Variants in MEIKIN observed in about 807,000 individuals in gnomAD.
MEIKIN encodes the protein meiotic kinetochore factor.
Position 131,879,045 on chromosome 5 carries a change from T to C in MEIKIN, c.707A>G (p.Asn236Ser), listed in dbSNP as rs1750660739. ...AKCASNSESD[N>S]AACEILLAEK... is the part of the protein sequence containing the mutation. ...AGCAAGTAAAATCTCACAAGCTGCA[T>C]TATCTATAAATAAAAACATAGTTCA... is the stretch of plus-strand genomic sequence containing the variant. The change falls in exon 9 of 13, where the codon AAT (asparagine) becomes AGT (serine). Residue 236 changes from asparagine to serine, a missense_variant. Coordinates refer to ENST00000442687, the MANE Select transcript of MEIKIN (RefSeq NM_001303622.2). 2.5e-6 allele frequency: 1 copy of C among 398,620 alleles called. No homozygotes were observed. 24.7% of individuals were successfully genotyped at this position (398,620 alleles called of 1,614,324 possible).
intron 7 of MEIKIN, among the ~76,000 whole-genome samples, chr5:131,914,646 A>G (rs949126430): frequency 1.3e-5 from 2 of 151,794 alleles, no homozygotes; most frequent in Non-Finnish European, 2.9e-5. Flanking sequence ...TCTTTATAAT[A>G]TAATTGCCCA....
intron 6 of MEIKIN, among the ~76,000 whole-genome samples, chr5:131,920,507 T>C (rs1395441728): frequency 2.0e-5 from 3 of 152,124 alleles, no homozygotes; most frequent in East Asian, 1.9e-4. Context: ...AGAGAAAACA[T>C]AATCTTTAAT....
intron 11 of MEIKIN, among the ~76,000 whole-genome samples, chr5:131,828,597 A>C (rs181001979): frequency 1.1e-3 from 173 of 152,328 alleles, no homozygotes; most frequent in Non-Finnish European, 2.0e-3. Flanking sequence ...ACAGATGCTC[A>C]AAAAAAGAAA....
At chr5:131,846,007 A>C (rs1750012426) in intron 11 of MEIKIN, among the ~76,000 whole-genome samples, 1 of 152,234 alleles carries the variant, frequency 6.6e-6, no homozygotes, top group Non-Finnish European at 1.5e-5. Flanking sequence ...AAGAAAGACA[A>C]AGAATCCTGA....
chr5:131,851,742 AATCAC>A (rs1343186687), intron 10 of MEIKIN, among the ~76,000 whole-genome samples: 15 of 152,228 alleles, frequency 9.9e-5, no homozygotes, highest in Non-Finnish European at 2.1e-4. Flanking sequence ...AGGTTACTGA[AATCAC>A]CACACATTTC....
In MEIKIN at chr5:131,911,898, GT is replaced by G. The variant is rs1280675561; in HGVS notation, c.639-20del. ...CATCACTCTATAACAAGAACAAACT[GT>G]TTAGTGGTATTTTCTAAATCCTTCA... On this transcript the variant is annotated intron_variant, in intron 7 of 12. Transcript: ENST00000442687. The G allele has an allele frequency of 1.0e-5, 4 of 397,246 alleles. No individual in the cohort carries two copies. The highest frequency in any genetic ancestry group is 2.1e-5 in the African/African-American group (1 of 48,466). The allele number at this position is 397,246 out of a possible 1,614,324, so 24.6% of individuals were successfully genotyped here. A position where few individuals can be genotyped will look rare whatever the true frequency, so the allele number is the denominator to read the frequency against.
chr5:131,831,695 C>T (rs1048724846), intron 11 of MEIKIN, among the ~76,000 whole-genome samples: 14 of 152,224 alleles, frequency 9.2e-5, no homozygotes, highest in Admixed American at 7.2e-4. Flanking sequence ...ATACCCGAGA[C>T]TGGGAAGAAA....
intron 4 of MEIKIN, 127 bp downstream of exon 4, chr5:131,942,502 CAGAAGG>C: frequency 2.6e-6 from 1 of 386,952 alleles, no homozygotes; most frequent in Non-Finnish European, 4.6e-6. Context: ...ATAGCACAGT[CAGAAGG>C]ATTCACTTTG....
chr5:131,906,804 G>A (rs553093269), intron 8 of MEIKIN, among the ~76,000 whole-genome samples: 1 of 152,186 alleles, frequency 6.6e-6, no homozygotes, highest in South Asian at 2.1e-4. Context: ...TTATAAGTGG[G>A]ACCTAAACAT....
intron 12 of MEIKIN, among the ~76,000 whole-genome samples, chr5:131,814,022 A>G (rs1413818246): frequency 6.6e-6 from 1 of 152,000 alleles, no homozygotes; most frequent in Non-Finnish European, 1.5e-5. Flanking sequence ...TGGGAGGCTA[A>G]ACCAGTCTAA....
chr5:131,879,086 C>A, intron 8 of MEIKIN, 38 bp from the exon 9 acceptor site: 1 of 398,080 alleles, frequency 2.5e-6, no homozygotes, highest in Non-Finnish European at 4.4e-6. Flanking sequence ...CTACTTATTT[C>A]AACTGTCATT....
chr5:131,812,273 T>C (rs1387095239), intron 12 of MEIKIN, among the ~76,000 whole-genome samples: 1 of 152,230 alleles, frequency 6.6e-6, no homozygotes, highest in Non-Finnish European at 1.5e-5. Context: ...TATATAGCAC[T>C]TGAATGAATG....
chr5:131,817,477 G>C (rs1008800729), intron 12 of MEIKIN, among the ~76,000 whole-genome samples: 1 of 151,890 alleles, frequency 6.6e-6, no homozygotes, highest in South Asian at 2.1e-4. Flanking sequence ...TTAGCCGGGC[G>C]TGGTGGCGGG....
chr5:131,915,319 G>C (rs917040764), intron 7 of MEIKIN, among the ~76,000 whole-genome samples: 1 of 152,152 alleles, frequency 6.6e-6, no homozygotes, highest in Non-Finnish European at 1.5e-5. Context: ...ATGAGTCAAT[G>C]ATTTTTTCAG....
chr5:131,904,140 A>G (rs1751206648), intron 8 of MEIKIN, among the ~76,000 whole-genome samples: 3 of 152,194 alleles, frequency 2.0e-5, no homozygotes. Flanking sequence ...ATATATATGC[A>G]CCTAACACAG....
chr5:131,881,398 T>A (rs1750701209), intron 8 of MEIKIN, among the ~76,000 whole-genome samples: 1 of 152,104 alleles, frequency 6.6e-6, no homozygotes, highest in Non-Finnish European at 1.5e-5. Flanking sequence ...GTCTCAGGGT[T>A]TTTTTGCCGG....
At chr5:131,925,700 G>C (rs1751576836) in intron 5 of MEIKIN, among the ~76,000 whole-genome samples, 2 of 151,736 alleles carry the variant, frequency 1.3e-5, no homozygotes, top group African/African-American at 4.8e-5. Context: ...ACAGAGTCTT[G>C]CTCTGTCACT....
At chr5:131,937,007 G>A (rs1751790886) in intron 4 of MEIKIN, among the ~76,000 whole-genome samples, 1 of 151,960 alleles carries the variant, frequency 6.6e-6, no homozygotes, top group Non-Finnish European at 1.5e-5. Flanking sequence ...AGCTATTGGA[G>A]ATCTCAATCC....
intron 10 of MEIKIN, among the ~76,000 whole-genome samples, chr5:131,852,693 C>T (rs1281264012): frequency 4.6e-5 from 7 of 151,864 alleles, no homozygotes; most frequent in Non-Finnish European, 2.9e-5. Context: ...TGACTATTAA[C>T]GAATAGGGTG....
Sources: allele counts gnomAD v4.1 joint callset (sites outside exome capture counted in the v4.1 genomes callset), GRCh38; gene constraint gnomAD v4.1.1; transcripts MANE v1.5; gene names NCBI Gene and HGNC (gene_info 2026-07-23, HGNC 2026-07-21).